Variants in VPS53 observed in about 807,000 individuals in gnomAD.
The protein encoded by VPS53 is vacuolar protein sorting-associated protein 53 homolog.
Under a neutral mutation model 107.0 loss-of-function variants are expected in VPS53, and 70 were observed. The observed-to-expected ratio is 0.65, with a 90% CI of 0.54 to 0.80. The LOEUF (loss-of-function observed/expected upper bound fraction) is 0.80, where lower values mean the gene tolerates loss of function less well. Among genes scored for constraint, VPS53 ranks in the 30% least tolerant of loss-of-function variants. VPS53 has a pLI of 0.00. For missense variants in VPS53, 917 were observed against 1,049.4 expected (o/e 0.87, Z 1.74); for synonymous variants, 409 against 393.3 (o/e 1.04, Z -0.47).
At chr17:613,960 C>T (rs138431611) in intron 11 of VPS53, among the ~76,000 whole-genome samples, 1 of 152,354 alleles carries the variant, frequency 6.6e-6, no homozygotes, top group Non-Finnish European at 1.5e-5. Flanking sequence ...GATGCACTGA[C>T]ACACACCTCA....
chr17:692,079 G>C (rs1229272360), intron 4 of VPS53, among the ~76,000 whole-genome samples: 4 of 152,102 alleles, frequency 2.6e-5, no homozygotes, highest in Non-Finnish European at 5.9e-5. Context: ...AGGCTCCATT[G>C]AAGAGACAGA....
intron 4 of VPS53, among the ~76,000 whole-genome samples, chr17:668,198 C>T (rs937953045): frequency 2.6e-5 from 4 of 152,146 alleles, no homozygotes; most frequent in South Asian, 2.1e-4. Context: ...ACCGGGGACA[C>T]GCTGCGTTTA....
At chr17:712,017 C>T (rs1344489106) in intron 1 of VPS53, among the ~76,000 whole-genome samples, 3 of 151,872 alleles carry the variant, frequency 2.0e-5, no homozygotes, top group Admixed American at 2.0e-4. Context: ...GGGGTTTCAC[C>T]GTGTTGGCCA....
rs796252897 is a variant in VPS53 at position 684,875 on chromosome 17, C to T, written c.285+12543G>A. ...TGGTGGCTCACGCCTGTAATCCCAG[C>T]GACTCGAGAGATTGAGGCAGGAGAA... On this transcript the variant is annotated intron_variant, in intron 4 of 21. Transcript: ENST00000437048. 4.6e-5 allele frequency among the ~76,000 whole-genome samples: 7 copies of T among 152,076 alleles called. No homozygotes were observed. The South Asian group carries it at 1.2e-3, about 27-fold the overall frequency.
In VPS53 at chr17:591,889, C is replaced by G. The variant is rs564676971; in HGVS notation, c.1219-5525G>C. Among the ~76,000 whole-genome samples, 143 of 152,246 alleles carry G rather than the reference C, an allele frequency of 9.4e-4. 2 individuals are homozygous for G. The highest frequency in any genetic ancestry group is 3.4e-3 in the African/African-American group (140 of 41,548). ...GAGAGTTGATTTGGGGTGGAGAGTT[C>G]TGTAGATGTCTATTAGGTCCGCTTG... On this transcript the variant is annotated intron_variant, in intron 12 of 21. Coordinates refer to ENST00000437048, the MANE Select transcript of VPS53 (RefSeq NM_001128159.3).
At position 701,259 on chromosome 17, in the gene VPS53, G is replaced by A. The variant is rs374449757; in HGVS notation, c.169-1879C>T. Among the ~76,000 whole-genome samples, 6 of 152,092 alleles carry A rather than the reference G, an allele frequency of 3.9e-5. No homozygotes were observed. In the East Asian group the frequency reaches 9.7e-4, roughly 24 times the overall value. On this transcript the variant is annotated intron_variant, in intron 2 of 21. Transcript: ENST00000437048. ...GAGGATCACCTGAGCCCAGAAGGTC[G>A]AGGCTGCAGTAAGTCATGTTTGCAC... is the stretch of plus-strand genomic sequence containing the variant.
At chr17:651,616 CTTATA>C (rs1316482621) in intron 7 of VPS53, among the ~76,000 whole-genome samples, 2 of 152,164 alleles carry the variant, frequency 1.3e-5, no homozygotes, top group Admixed American at 1.3e-4. Context: ...ATGTGTATTA[CTTATA>C]TAATTACAAA....
intron 7 of VPS53, among the ~76,000 whole-genome samples, chr17:637,583 G>C (rs58618968): frequency 0.026 from 3,989 of 152,254 alleles, 66 homozygotes; most frequent in East Asian, 0.07. Flanking sequence ...TCTACACACT[G>C]CTTTAAATGT....
At chr17:528,378 C>T (rs1246429563) in intron 19 of VPS53, among the ~76,000 whole-genome samples, 1 of 152,158 alleles carries the variant, frequency 6.6e-6, no homozygotes, top group Non-Finnish European at 1.5e-5. Flanking sequence ...TGGCTTCTTT[C>T]ACTTAACATG....
chr17:701,567 G>A (rs1054455296), intron 2 of VPS53, among the ~76,000 whole-genome samples: 8 of 151,408 alleles, frequency 5.3e-5, no homozygotes, highest in South Asian at 2.1e-4. Context: ...TAGTAGAGAC[G>A]GGGTTTCACC....
chr17:552,211 C>G (rs9905044), intron 16 of VPS53, among the ~76,000 whole-genome samples: 1 of 149,606 alleles, frequency 6.7e-6, no homozygotes, highest in Admixed American at 6.7e-5. Flanking sequence ...ATCTTCCTCC[C>G]AAAGAACCTG....
chr17:708,970 G>C (rs529843254), intron 2 of VPS53, among the ~76,000 whole-genome samples: 1 of 151,984 alleles, frequency 6.6e-6, no homozygotes, highest in Non-Finnish European at 1.5e-5. Flanking sequence ...TTCCGCCCAC[G>C]CCTTCCTTCC....
At position 518,651 on chromosome 17, in the gene VPS53, C is replaced by T. The variant is rs1189986898; in HGVS notation, c.*477G>A. On this transcript the variant is annotated 3_prime_UTR_variant, in exon 22 of 22. Transcript: ENST00000437048. The stretch of plus-strand genomic sequence containing the variant: ...GGGCTCGGTGGCTCACGCCTGTAAT[C>T]CGATACTCAGGAGGCTGAGGCAGGA... 1 of 151,002 alleles carries T rather than the reference C, an allele frequency of 6.6e-6. No individual in the cohort carries two copies. The highest frequency in any genetic ancestry group is 2.5e-5 in the African/African-American group (1 of 40,702). 9.4% of individuals were successfully genotyped at this position (151,002 alleles called of 1,614,324 possible).
intron 12 of VPS53, among the ~76,000 whole-genome samples, chr17:592,977 C>G (rs554871622): frequency 6.6e-6 from 1 of 152,150 alleles, no homozygotes. Flanking sequence ...ATCAATGGAA[C>G]AGAACAGAGC....
chr17:521,466 A>G (rs1477451480), intron 20 of VPS53, 135 bp downstream of exon 20: 2 of 1,062,286 alleles, frequency 1.9e-6, no homozygotes, highest in African/African-American at 3.3e-5. Flanking sequence ...TGAGGCCAAA[A>G]TCCAGTCCAG....
chr17:634,936 G>T (rs1970129365), intron 7 of VPS53, among the ~76,000 whole-genome samples: 1 of 151,718 alleles, frequency 6.6e-6, no homozygotes, highest in East Asian at 1.9e-4. Context: ...GGGTCAAATG[G>T]TATTTCTAGT....
intron 11 of VPS53, among the ~76,000 whole-genome samples, chr17:611,379 C>T (rs1424269490): frequency 6.6e-6 from 1 of 152,152 alleles, no homozygotes; most frequent in African/African-American, 2.4e-5. Flanking sequence ...AAATGAAAAC[C>T]ACAAGGAGAT....
At chr17:655,025 C>T (rs1351064760) in intron 6 of VPS53, among the ~76,000 whole-genome samples, 1 of 152,178 alleles carries the variant, frequency 6.6e-6, no homozygotes, top group African/African-American at 2.4e-5. Context: ...CGCCCCTCCT[C>T]CTCTTTCCCT....
At chr17:573,854 A>G (rs1374616743) in intron 13 of VPS53, among the ~76,000 whole-genome samples, 1 of 152,216 alleles carries the variant, frequency 6.6e-6, no homozygotes, top group Non-Finnish European at 1.5e-5. Context: ...TTTCTGAGTT[A>G]GAGCTACAGC....
Sources: gnomAD v4.1 joint callset for allele counts (sites outside exome capture counted in the v4.1 genomes callset) on GRCh38, gnomAD v4.1.1 for gene constraint, MANE v1.5 for transcripts, NCBI Gene and HGNC (gene_info 2026-07-23, HGNC 2026-07-21) for gene names.